Variants in NDST4 observed in about 807,000 individuals in gnomAD.
The protein encoded by NDST4 is N-heparan sulfate sulfotransferase 4.
In NDST4, 63 loss-of-function variants were observed where a neutral mutation model predicts 100.8. The observed-to-expected ratio is 0.62, with a 90% CI of 0.51 to 0.77. The LOEUF (loss-of-function observed/expected upper bound fraction) is 0.77. NDST4 is among the 30% of genes least tolerant of loss of function. The pLI is 0.00. For missense variants in NDST4, 943 were observed against 1,018.4 expected (o/e 0.93, Z 1.01); for synonymous variants, 377 against 361.8 (o/e 1.04, Z -0.48).
At chr4:114,888,065 G>T (rs978377983) in intron 6 of NDST4, among the ~76,000 whole-genome samples, 4 of 152,016 alleles carry the variant, frequency 2.6e-5, no homozygotes, top group Non-Finnish European at 5.9e-5. Context: ...CTAGCTGGGT[G>T]TGGTGGCACA....
chr4:114,851,469 G>A (rs561251322), intron 8 of NDST4, among the ~76,000 whole-genome samples: 13 of 152,134 alleles, frequency 8.5e-5, no homozygotes, highest in East Asian at 1.9e-4. Flanking sequence ...AAATCTAAAC[G>A]TATAGCTTAA....
At chr4:114,847,794 C>T (rs4368622) in intron 9 of NDST4, among the ~76,000 whole-genome samples, 146,256 of 152,308 alleles carry the variant, frequency 0.96, 70,265 homozygotes, top group East Asian at 1. Flanking sequence ...ACAAAACTTA[C>T]AGTTTATGTG....
At chr4:115,091,049 G>A (rs1309116212) in intron 1 of NDST4, among the ~76,000 whole-genome samples, 1 of 151,936 alleles carries the variant, frequency 6.6e-6, no homozygotes, top group Non-Finnish European at 1.5e-5. Flanking sequence ...CATCACCTCT[G>A]TTTAATATTC....
At chr4:115,004,005 C>T (rs987465225) in intron 2 of NDST4, among the ~76,000 whole-genome samples, 11 of 152,152 alleles carry the variant, frequency 7.2e-5, no homozygotes, top group African/African-American at 1.4e-4. Flanking sequence ...CTGTGTACCT[C>T]TAGGCCACTG....
chr4:115,063,588 C>A (rs516109), intron 2 of NDST4, among the ~76,000 whole-genome samples: 1 of 151,236 alleles, frequency 6.6e-6, no homozygotes, highest in Admixed American at 6.6e-5. Flanking sequence ...CTTTTGCTGG[C>A]TATCATAATA....
chr4:114,904,179 C>A (rs1402137856), intron 6 of NDST4, among the ~76,000 whole-genome samples: 2 of 151,882 alleles, frequency 1.3e-5, no homozygotes, highest in African/African-American at 4.8e-5. Context: ...CTCTTAGTGG[C>A]AGTATTTTTG....
At chr4:114,845,446 T>G (rs946834196) in intron 10 of NDST4, among the ~76,000 whole-genome samples, 4 of 152,198 alleles carry the variant, frequency 2.6e-5, no homozygotes, top group Non-Finnish European at 5.9e-5. Flanking sequence ...ATTTTACTTA[T>G]TTATTAACTT....
chr4:114,932,389 A>T (rs1384233114), intron 6 of NDST4, among the ~76,000 whole-genome samples: 1 of 151,994 alleles, frequency 6.6e-6, no homozygotes, highest in South Asian at 2.1e-4. Flanking sequence ...AGCTAATATC[A>T]TCTTTAGTGG....
intron 1 of NDST4, among the ~76,000 whole-genome samples, chr4:115,091,744 G>A (rs924446134): frequency 2.0e-5 from 3 of 152,092 alleles, no homozygotes; most frequent in Non-Finnish European, 4.4e-5. Context: ...GGTTGTGCTT[G>A]CAATGAAGTA....
intron 1 of NDST4, among the ~76,000 whole-genome samples, chr4:115,105,772 T>C (rs893509428): frequency 1.3e-5 from 2 of 152,268 alleles, no homozygotes; most frequent in East Asian, 1.9e-4. Context: ...TGACATTGCA[T>C]AGAAACAACT....
intron 2 of NDST4, among the ~76,000 whole-genome samples, chr4:115,028,678 G>T (rs1216399336): frequency 2.0e-5 from 3 of 152,026 alleles, no homozygotes; most frequent in Non-Finnish European, 4.4e-5. Context: ...AGTGTCACTA[G>T]ATGTATGGCA....
chr4:114,934,147 CATAAA>C (rs748714568), intron 6 of NDST4, among the ~76,000 whole-genome samples: 1 of 152,056 alleles, frequency 6.6e-6, no homozygotes, highest in Non-Finnish European at 1.5e-5. Flanking sequence ...TGTATCTACA[CATAAA>C]ATAAAATATT....
At chr4:115,026,324 T>A (rs901842266) in intron 2 of NDST4, among the ~76,000 whole-genome samples, 1 of 152,044 alleles carries the variant, frequency 6.6e-6, no homozygotes, top group Non-Finnish European at 1.5e-5. Flanking sequence ...TTAAGTATAT[T>A]TGAACTATGA....
intron 2 of NDST4, among the ~76,000 whole-genome samples, chr4:115,010,421 T>C (rs150563289): frequency 0.053 from 6,819 of 127,596 alleles, 1,698 homozygotes; most frequent in Admixed American, 0.13. Flanking sequence ...TCATTCTCAG[T>C]AAGCTATCGC....
chr4:115,013,593 C>T (rs6810779), intron 2 of NDST4, among the ~76,000 whole-genome samples: 10,227 of 151,426 alleles, frequency 0.068, 1,141 homozygotes, highest in African/African-American at 0.23. Context: ...TGTGGTCCAC[C>T]ACTCAGAGTA....
At chr4:114,846,642 G>T (rs1723555425) in intron 9 of NDST4, among the ~76,000 whole-genome samples, 1 of 152,106 alleles carries the variant, frequency 6.6e-6, no homozygotes, top group African/African-American at 2.4e-5. Flanking sequence ...TCCTCTGCGT[G>T]TGGATTATGG....
intron 1 of NDST4, among the ~76,000 whole-genome samples, chr4:115,098,486 A>T (rs779165019): frequency 2.6e-5 from 4 of 152,150 alleles, no homozygotes; most frequent in African/African-American, 4.8e-5. Flanking sequence ...AAGAACACGC[A>T]AAGTATATTT....
chr4:115,011,256 G>T (rs2126260557), intron 2 of NDST4, among the ~76,000 whole-genome samples: 1 of 152,028 alleles, frequency 6.6e-6, no homozygotes, highest in Non-Finnish European at 1.5e-5. Context: ...CATGTCTACT[G>T]ATAGGCCAAA....
At chr4:115,036,259 T>A (rs1436402906) in intron 2 of NDST4, among the ~76,000 whole-genome samples, 1 of 151,554 alleles carries the variant, frequency 6.6e-6, no homozygotes, top group Non-Finnish European at 1.5e-5. Flanking sequence ...GGTATTTACA[T>A]CAGTTTAAAA....
Sources: gnomAD v4.1 joint callset for allele counts (sites outside exome capture counted in the v4.1 genomes callset) on GRCh38, gnomAD v4.1.1 for gene constraint, MANE v1.5 for transcripts, NCBI Gene and HGNC (gene_info 2026-07-23, HGNC 2026-07-21) for gene names.